The following CFAP61 variants were observed in gnomAD, a reference collection of about 807,000 sequenced individuals.
The protein encoded by CFAP61 is cilia and flagella associated protein 61.
Under a neutral mutation model 135.6 loss-of-function variants are expected in CFAP61, and 107 were observed. That is an observed-to-expected ratio of 0.79 (90% CI 0.67 to 0.93). CFAP61 has a LOEUF of 0.93. Ranked by LOEUF, CFAP61 falls within the 40% of genes least tolerant of loss-of-function variation. The pLI is 0.00. For missense variants in CFAP61, 1,507 were observed against 1,556.2 expected (o/e 0.97, Z 0.53); for synonymous variants, 575 against 578.5 (o/e 0.99, Z 0.09).
rs1175393716 is a variant in CFAP61 at position 20,314,530 on chromosome 20, AT to A, written c.3422+16147del. 6.6e-4 allele frequency among the ~76,000 whole-genome samples: 94 copies of A among 142,458 alleles called. 2 individuals carry two copies. The highest frequency in any genetic ancestry group is 2.2e-3 in the African/African-American group (83 of 37,498). The allele number at this position is 142,458 out of a possible 152,430, so 93.5% of individuals were successfully genotyped here. Reference sequence around the variant, plus strand: ...GTTTTTGTTTTTTTTTATTATTATTATTTATTTTTTTTATTATTATTATACT... The same window carrying A: ...GTTTTTGTTTTTTTTTATTATTATTATTATTTTTTTTATTATTATTATACT... On this transcript the variant is annotated intron_variant, in intron 25 of 26. Transcript: ENST00000245957.
At chr20:20,146,503 T>C (rs6112785) in intron 9 of CFAP61, among the ~76,000 whole-genome samples, 19,537 of 152,236 alleles carry the variant, frequency 0.13, 1,426 homozygotes, top group Non-Finnish European at 0.15. Context: ...TATGCATCTT[T>C]TTCACAATAC....
chr20:20,267,860 T>G (rs188815087), intron 21 of CFAP61: 2 of 152,336 alleles, frequency 1.3e-5, no homozygotes, highest in East Asian at 3.9e-4. Context: ...TCCTCCCCAC[T>G]GCAGATGGCA....
intron 17 of CFAP61, among the ~76,000 whole-genome samples, chr20:20,200,109 C>T (rs898220703): frequency 5.9e-5 from 9 of 152,224 alleles, no homozygotes; most frequent in South Asian, 2.1e-4. Flanking sequence ...AAAGCAGTAG[C>T]CACAGGACCC....
At chr20:20,087,622 C>T (rs1274293020) in intron 6 of CFAP61, among the ~76,000 whole-genome samples, 1 of 150,930 alleles carries the variant, frequency 6.6e-6, no homozygotes, top group Non-Finnish European at 1.5e-5. Context: ...TAGTAAGAAA[C>T]TCTCTTATTC....
chr20:20,073,485 C>G (rs2045860872), intron 3 of CFAP61, among the ~76,000 whole-genome samples: 1 of 152,188 alleles, frequency 6.6e-6, no homozygotes, highest in Admixed American at 6.5e-5. Context: ...AACAAGAAAC[C>G]TAGGCAGCAC....
At chr20:20,335,257 C>T (rs1459999881) in intron 25 of CFAP61, among the ~76,000 whole-genome samples, 1 of 152,110 alleles carries the variant, frequency 6.6e-6, no homozygotes, top group Non-Finnish European at 1.5e-5. Context: ...CTCTGGAAAC[C>T]TCAACCAAAA....
intron 25 of CFAP61, among the ~76,000 whole-genome samples, chr20:20,316,600 G>A (rs943504312): frequency 3.0e-4 from 46 of 151,718 alleles, no homozygotes; most frequent in Non-Finnish European, 5.0e-4. Context: ...GTGAGAGAGG[G>A]CATCCCTGTC....
chr20:20,290,424 C>A, intron 24 of CFAP61, 33 bp downstream of exon 24: 1 of 1,391,116 alleles, frequency 7.2e-7, no homozygotes, highest in African/African-American at 1.4e-5. Context: ...ATTTTACTTT[C>A]AAATACAAAA....
intron 8 of CFAP61, among the ~76,000 whole-genome samples, chr20:20,125,657 G>A (rs563295469): frequency 1.3e-5 from 2 of 151,850 alleles, no homozygotes; most frequent in South Asian, 2.1e-4. Context: ...CTTGGAGAAA[G>A]GTCCATGTGC....
chr20:20,065,204 A>C (rs2045150789), intron 2 of CFAP61, among the ~76,000 whole-genome samples: 1 of 152,182 alleles, frequency 6.6e-6, no homozygotes, highest in African/African-American at 2.4e-5. Context: ...AACATCTGAC[A>C]TCGATGACAG....
chr20:20,087,809 G>C (rs2046913293), intron 6 of CFAP61, among the ~76,000 whole-genome samples: 1 of 152,072 alleles, frequency 6.6e-6, no homozygotes, highest in South Asian at 2.1e-4. Flanking sequence ...GCAGAAGCAG[G>C]ATCCAGACCC....
chr20:20,278,212 TAA>T (rs1308921909), intron 22 of CFAP61, among the ~76,000 whole-genome samples: 1 of 152,212 alleles, frequency 6.6e-6, no homozygotes, highest in Non-Finnish European at 1.5e-5. Flanking sequence ...GCTGTGGCTC[TAA>T]GTCAGTGGCA....
At chr20:20,205,583 C>T (rs2056821958) in intron 17 of CFAP61, among the ~76,000 whole-genome samples, 1 of 152,262 alleles carries the variant, frequency 6.6e-6, no homozygotes, top group African/African-American at 2.4e-5. Flanking sequence ...AAAAGGTGAC[C>T]CACAGACGAT....
At chr20:20,280,317 G>A (rs76426483) in intron 22 of CFAP61, among the ~76,000 whole-genome samples, 48 of 152,268 alleles carry the variant, frequency 3.2e-4, no homozygotes, top group Non-Finnish European at 5.6e-4. Flanking sequence ...GTAGGAAGAG[G>A]CAGGGAAGCC....
chr20:20,089,487 T>C (rs2047028884), intron 6 of CFAP61, among the ~76,000 whole-genome samples: 1 of 149,884 alleles, frequency 6.7e-6, no homozygotes. Flanking sequence ...GATGGTAGCA[T>C]AGTAAAGCTA....
chr20:20,176,214 C>T (rs542199186), intron 13 of CFAP61, among the ~76,000 whole-genome samples: 7 of 152,108 alleles, frequency 4.6e-5, no homozygotes, highest in East Asian at 3.9e-4. Flanking sequence ...CAGATGCTGG[C>T]GAGACTATGG....
intron 24 of CFAP61, among the ~76,000 whole-genome samples, chr20:20,296,011 C>A (rs7265628): frequency 8.2e-5 from 4 of 48,908 alleles, no homozygotes; most frequent in South Asian, 5.6e-4. Context: ...CCTTCCTTCC[C>A]TCCTTTCCTT....
chr20:20,300,610 T>G (rs1021184808), intron 25 of CFAP61, among the ~76,000 whole-genome samples: 1 of 151,752 alleles, frequency 6.6e-6, no homozygotes, highest in African/African-American at 2.4e-5. Flanking sequence ...TTTTTTTGTT[T>G]TTTTTTTTTT....
intron 6 of CFAP61, among the ~76,000 whole-genome samples, chr20:20,090,277 C>A (rs751337873): frequency 6.6e-6 from 1 of 152,206 alleles, no homozygotes; most frequent in Non-Finnish European, 1.5e-5. Context: ...TGACCCTCCT[C>A]ATAGAGGTCC....
Sources: gnomAD v4.1 joint callset for allele counts (sites outside exome capture counted in the v4.1 genomes callset) on GRCh38, gnomAD v4.1.1 for gene constraint, MANE v1.5 for transcripts, NCBI Gene and HGNC (gene_info 2026-07-23, HGNC 2026-07-21) for gene names.